ITGAE: variants seen among roughly 807,000 people sequenced by gnomAD.
ITGAE encodes the protein integrin subunit alpha E.
ITGAE carries 99 observed loss-of-function variants against 136.5 expected under a neutral mutation model. That is an observed-to-expected ratio of 0.73 (90% CI 0.62 to 0.86). The LOEUF (loss-of-function observed/expected upper bound fraction) is 0.86. Ranked by LOEUF, ITGAE falls within the 40% of genes least tolerant of loss-of-function variation. The pLI is 0.00. For missense variants in ITGAE, 1,447 were observed against 1,515.3 expected, an observed-to-expected ratio of 0.95 and a Z score of 0.75; for synonymous variants, 613 against 591.8, an observed-to-expected ratio of 1.04 and a Z score of -0.52.
At chr17:3,781,442 C>T (rs753788382) in intron 1 of ITGAE, among the ~76,000 whole-genome samples, 1 of 152,060 alleles carries the variant, frequency 6.6e-6, no homozygotes, top group African/African-American at 2.4e-5. Context: ...CACCATCTCC[C>T]GGGTTCAAGG....
chr17:3,733,531 G>T (rs183828863), intron 21 of ITGAE, among the ~76,000 whole-genome samples: 73 of 151,894 alleles, frequency 4.8e-4, no homozygotes, highest in African/African-American at 1.7e-3. Flanking sequence ...AGTGATTCTC[G>T]TGCCTCAGCC....
At position 3,720,411 on chromosome 17, in the gene ITGAE, T is replaced by TG; in HGVS notation, c.3238-10dup. On this transcript the variant is annotated splice_polypyrimidine_tract_variant and intron_variant, in intron 28 of 30. Coordinates refer to ENST00000263087, the MANE Select transcript of ITGAE (RefSeq NM_002208.5). Reference sequence around the variant, plus strand: ...GTTACATCTTTTAGTAACTAGAAGATGGGGAAAGGAATGAGGGAAACAAAA... The same window carrying TG: ...GTTACATCTTTTAGTAACTAGAAGATGGGGGAAAGGAATGAGGGAAACAAAA... 7.8e-7 allele frequency: 1 copy of TG among 1,278,654 alleles called. No individual in the cohort carries two copies. The highest frequency in any genetic ancestry group is 1.1e-6 in the Non-Finnish European group (1 of 874,032). The allele number at this position is 1,278,654 out of a possible 1,614,324, so 79.2% of individuals were successfully genotyped here.
At chr17:3,769,057 C>T (rs1211287953) in intron 2 of ITGAE, among the ~76,000 whole-genome samples, 1 of 152,164 alleles carries the variant, frequency 6.6e-6, no homozygotes, top group Non-Finnish European at 1.5e-5. Context: ...CCAGCCCCGA[C>T]CTCAGCCCTA....
intron 29 of ITGAE, chr17:3,717,444 C>G (rs575106005): frequency 6.6e-6 from 1 of 152,336 alleles, no homozygotes; most frequent in African/African-American, 2.4e-5. Context: ...TTTCCAAAGG[C>G]TCTCCCAATT....
intron 26 of ITGAE, chr17:3,726,579 G>T: frequency 2.2e-6 from 1 of 463,352 alleles, no homozygotes; most frequent in Non-Finnish European, 3.8e-6. Context: ...TGTAGTCCCA[G>T]CTACTCGGGA....
At chr17:3,729,325 G>A (rs2051288754) in intron 24 of ITGAE, 153 bp downstream of exon 24, 8 of 652,962 alleles carry the variant, frequency 1.2e-5, no homozygotes, top group South Asian at 6.7e-5. Context: ...GCACCCTAGA[G>A]ATCAATATCA....
At position 3,721,260 on chromosome 17, in the gene ITGAE, C is replaced by CTTTTTTT. The variant is rs869087347; in HGVS notation, c.3238-865_3238-859dup. Among the ~76,000 whole-genome samples the CTTTTTTT allele has an allele frequency of 1.1e-4, 5 of 46,216 alleles. 1 individual carries two copies. Among genetic ancestry groups the CTTTTTTT allele is most frequent in the East Asian group, 5.5e-4 (1 of 1,816 alleles). The allele number at this position is 46,216 out of a possible 152,430, so 30.3% of individuals were successfully genotyped here. ...TTTTATTTAACGTAAGAGATTTTTCCTTTTTTTTTTTTTTTTTTTTTTTTT... is the reference window on the plus strand; with the variant it reads ...TTTTATTTAACGTAAGAGATTTTTCCTTTTTTTTTTTTTTTTTTTTTTTTTTTTTTTT... On this transcript the variant is annotated intron_variant, in intron 28 of 30. Transcript: ENST00000263087.
intron 18 of ITGAE, among the ~76,000 whole-genome samples, chr17:3,744,062 G>A (rs990721287): frequency 6.6e-6 from 1 of 151,144 alleles, no homozygotes; most frequent in African/African-American, 2.4e-5. Context: ...CCAGTCTGGA[G>A]GGCAGCAGCA....
intron 16 of ITGAE, among the ~76,000 whole-genome samples, chr17:3,749,587 A>T (rs1027160489): frequency 5.9e-5 from 9 of 152,140 alleles, no homozygotes; most frequent in Non-Finnish European, 1.0e-4. Context: ...CTTCGGGATG[A>T]CTGTGAGCAG....
chr17:3,753,810 G>A lies in ITGAE; in HGVS notation c.1500C>T (p.Ser500=). Residue 500 remains serine (S), a synonymous_variant, in exon 13 of 31, where the codon AGC becomes AGT. Transcript: ENST00000263087. Reference sequence around the variant, plus strand: ...GCTCTCCCTCCAGCACTGGCAGGAAGCTGGCCTCTCTGCCCTCCTTCTGGA... The same window carrying A: ...GCTCTCCCTCCAGCACTGGCAGGAAACTGGCCTCTCTGCCCTCCTTCTGGA... ...FELQKEGREA[S]FLPVLEGEQM... is the part of the protein sequence containing the mutation. 6.2e-7 allele frequency: 1 copy of A among 1,614,232 alleles called. No individual in the cohort carries two copies. The highest frequency in any genetic ancestry group is 1.1e-5 in the South Asian group (1 of 91,086).
chr17:3,726,005 G>A (rs1365635311), intron 26 of ITGAE: 2 of 1,613,978 alleles, frequency 1.2e-6, no homozygotes, highest in Middle Eastern at 1.6e-4. Flanking sequence ...ACTACACCCT[G>A]TCGCGCTTGG....
intron 21 of ITGAE, among the ~76,000 whole-genome samples, chr17:3,734,209 T>A (rs1336376612): frequency 4.0e-5 from 6 of 150,756 alleles, no homozygotes; most frequent in African/African-American, 1.5e-4. Context: ...TAGCTGGGAC[T>A]ACAGGCACCC....
In ITGAE at chr17:3,751,637, C is replaced by T. The variant is rs115599967; in HGVS notation, c.1893+13G>A. ...GCCCCAGAGGAGAGGAAGGAGAGGG[C>T]CCCATGGGTCACCTGCGAGGGGCTG... On this transcript the variant is annotated intron_variant, in intron 15 of 30. Coordinates refer to ENST00000263087, the MANE Select transcript of ITGAE (RefSeq NM_002208.5). 9.0e-3 allele frequency: 14,482 copies of T among 1,609,910 alleles called. 196 individuals carry two copies. The highest frequency in any genetic ancestry group is 0.04 in the African/African-American group (2,959 of 74,806).
chr17:3,797,311 A>C (rs9901841), intron 1 of ITGAE, among the ~76,000 whole-genome samples: 3 of 146,618 alleles, frequency 2.0e-5, no homozygotes, highest in East Asian at 4.0e-4. Context: ...GACTACAGGC[A>C]CCCGCCACCA....
intron 1 of ITGAE, among the ~76,000 whole-genome samples, chr17:3,795,619 A>T (rs2053047112): frequency 6.6e-6 from 1 of 152,252 alleles, no homozygotes; most frequent in African/African-American, 2.4e-5. Flanking sequence ...TGGTAAACAG[A>T]GAGAGGCCAG....
chr17:3,755,313 G>A (rs1384211915), intron 11 of ITGAE, 52 bp from the exon 12 acceptor site: 1 of 1,474,620 alleles, frequency 6.8e-7, no homozygotes. Flanking sequence ...CCAAGGCCGG[G>A]CCACGGTGGC....
chr17:3,745,720 T>C (rs766423338), intron 18 of ITGAE, 44 bp downstream of exon 18: 5 of 1,590,784 alleles, frequency 3.1e-6, no homozygotes, highest in Non-Finnish European at 3.4e-6. Context: ...CCTTTCTCAA[T>C]GACAAAGACC....
rs766621287 is a variant in ITGAE at position 3,729,564 on chromosome 17, A to G, written c.2835-9T>C. 6 of 1,540,908 alleles carry G rather than the reference A, an allele frequency of 3.9e-6. No individual in the cohort carries two copies. The East Asian group carries it at 9.0e-5, about 23-fold the overall frequency. ...ACCGTCTTTCATTGGAACTAGGAAT[A>G]AGAGTGTTAGTTCATAGCACACCTG... On this transcript the variant is annotated splice_polypyrimidine_tract_variant and intron_variant, in intron 23 of 30. Coordinates refer to ENST00000263087, the MANE Select transcript of ITGAE (RefSeq NM_002208.5).
At chr17:3,800,915 C>T (rs1385771250) in intron 1 of ITGAE, among the ~76,000 whole-genome samples, 196 bp downstream of exon 1, 1 of 152,218 alleles carries the variant, frequency 6.6e-6, no homozygotes, top group Non-Finnish European at 1.5e-5. Flanking sequence ...CAACACGAAG[C>T]CTCAGCCGCC....
Sources: allele counts gnomAD v4.1 joint callset (sites outside exome capture counted in the v4.1 genomes callset), GRCh38; gene constraint gnomAD v4.1.1; transcripts MANE v1.5; gene names NCBI Gene and HGNC (gene_info 2026-07-23, HGNC 2026-07-21).